Variants in GUCY2C observed in about 807,000 individuals in gnomAD.
GUCY2C encodes guanylate cyclase 2C, also known as guanylyl cyclase C.
GUCY2C carries 118 observed loss-of-function variants against 131.1 expected under a neutral mutation model. The ratio of observed to expected loss-of-function variants is 0.90; its 90% CI spans 0.78 to 1.05. The LOEUF (loss-of-function observed/expected upper bound fraction) is 1.05, where lower values mean the gene tolerates loss of function less well. Among genes scored for constraint, GUCY2C ranks in the 50% least tolerant of loss-of-function variants. The pLI is 0.00. For missense variants in GUCY2C, 1,161 were observed against 1,304.4 expected (o/e 0.89, Z 1.69); for synonymous variants, 452 against 457.8 (o/e 0.99, Z 0.16).
rs140551603 is a variant in GUCY2C, at chr12:14,613,194, G to A, written c.3145C>T (p.Arg1049Trp). The A allele has an allele frequency of 1.2e-4, 200 of 1,613,090 alleles. No homozygotes were observed. Among genetic ancestry groups the A allele is most frequent in the Non-Finnish European group, 1.6e-4 (186 of 1,179,328 alleles). The change falls in exon 27 of 27, where the codon CGG becomes TGG. Residue 1049 changes from arginine (R) to tryptophan (W), a missense_variant. Transcript: ENST00000261170. The surrounding 1 kb of genome is among the most constrained non-coding windows in gnomAD (Gnocchi z 4.9). ...GTGCCTTTTTTATAGCTGGCTACCC[G>A]TCTGGGTTTTTGGCTTCTTATCCCT... Reference protein sequence around the residue: ...AAGIRSQKPRRVASYKKGTLE... With the variant: ...AAGIRSQKPRWVASYKKGTLE...
intron 24 of GUCY2C, among the ~76,000 whole-genome samples, chr12:14,617,556 G>A (rs995235735): frequency 6.6e-6 from 1 of 152,088 alleles, no homozygotes; most frequent in Non-Finnish European, 1.5e-5. Flanking sequence ...GAGTTGAGGG[G>A]TCTTGATTTT....
chr12:14,645,299 G>T lies in GUCY2C; in HGVS notation c.1727C>A (p.Thr576Lys). 1 of 1,584,924 alleles carries T rather than the reference G, an allele frequency of 6.3e-7. No homozygotes were observed. Among genetic ancestry groups the T allele is most frequent in the Non-Finnish European group, 8.7e-7 (1 of 1,154,390 alleles). ...GAATGTGCCATCAGGGTAGGAAATT[G>T]TGTCATTTAAAACTTCCTGAATAGG... is the stretch of plus-strand genomic sequence containing the variant. ...RGSLREVLND[T>K]ISYPDGTFMD... Residue 576 changes from threonine (T) to lysine (K), a missense_variant, in exon 16 of 27, where the codon ACA becomes AAA. Coordinates refer to ENST00000261170, the MANE Select transcript of GUCY2C (RefSeq NM_004963.4).
At chr12:14,683,875 T>G (rs1016085300) in intron 3 of GUCY2C, among the ~76,000 whole-genome samples, 2 of 152,198 alleles carry the variant, frequency 1.3e-5, no homozygotes, top group African/African-American at 4.8e-5. Flanking sequence ...GTTTTGAGAT[T>G]TTTTCATTTA....
chr12:14,664,972 G>A (rs1474421197), intron 10 of GUCY2C, among the ~76,000 whole-genome samples: 1 of 152,088 alleles, frequency 6.6e-6, no homozygotes, highest in African/African-American at 2.4e-5. Flanking sequence ...CCAGCACTTT[G>A]GGAAGCCAAG....
intron 26 of GUCY2C, 98 bp downstream of exon 26, chr12:14,614,769 A>G: frequency 1.4e-6 from 1 of 690,182 alleles, no homozygotes; most frequent in Non-Finnish European, 2.5e-6. Flanking sequence ...TATGCAATAT[A>G]TGCCACTTGT....
Position 14,641,962 on chromosome 12 carries a change from G to A in GUCY2C, c.1931-743C>T, listed in dbSNP as rs1044515808. On this transcript the variant is annotated intron_variant, in intron 17 of 26. Transcript: ENST00000261170. ...AAAAAAAAAAATACAAATTTTATGT[G>A]TACTAAATTTATTTTATTTAAATTA... Among the ~76,000 whole-genome samples the A allele has an allele frequency of 2.0e-5, 3 of 151,780 alleles. No homozygotes were observed. The East Asian group carries it at 5.8e-4, about 29-fold the overall frequency.
intron 7 of GUCY2C, among the ~76,000 whole-genome samples, chr12:14,676,079 C>T (rs116067534): frequency 1.3e-4 from 20 of 152,268 alleles, no homozygotes; most frequent in African/African-American, 4.3e-4. Flanking sequence ...GACTTGCCAT[C>T]CCAAAGTTGT....
Position 14,652,841 on chromosome 12 carries a change from A to G in GUCY2C, c.1533+111T>C, listed in dbSNP as rs1289650870. ...AGCTCTAAGAATAGCCCCTAGGAAC[A>G]GACTGGGGACTCCCACCATTGTGAT... On this transcript the variant is annotated intron_variant, in intron 13 of 26. Transcript: ENST00000261170. The G allele has an allele frequency of 8.8e-6, 7 of 791,466 alleles. No individual in the cohort carries two copies. The East Asian group carries it at 1.5e-4, about 17-fold the overall frequency. The allele number at this position is 791,466 out of a possible 1,614,324, so 49.0% of individuals were successfully genotyped here.
chr12:14,638,475 T>C (rs1947318949), intron 19 of GUCY2C, among the ~76,000 whole-genome samples: 1 of 152,202 alleles, frequency 6.6e-6, no homozygotes, highest in African/African-American at 2.4e-5. Flanking sequence ...TAAATGTCCA[T>C]CAGTGGATGA....
intron 3 of GUCY2C, among the ~76,000 whole-genome samples, chr12:14,685,628 C>A (rs777975569): frequency 6.6e-4 from 101 of 152,100 alleles, no homozygotes; most frequent in Non-Finnish European, 1.1e-3. Context: ...AAAATATATT[C>A]ATTCTAGAAT....
At chr12:14,619,354 G>C (rs777559292) in intron 23 of GUCY2C, 45 bp from the exon 24 acceptor site, 1 of 1,212,566 alleles carries the variant, frequency 8.2e-7, no homozygotes, top group Non-Finnish European at 1.2e-6. Flanking sequence ...AATAGAAATT[G>C]CAGAGTAGAG....
chr12:14,633,041 C>T (rs984760389), intron 19 of GUCY2C, among the ~76,000 whole-genome samples: 4 of 152,136 alleles, frequency 2.6e-5, no homozygotes, highest in African/African-American at 4.8e-5. Context: ...TGCCCAGGAA[C>T]CCGGGAATCC....
intron 17 of GUCY2C, among the ~76,000 whole-genome samples, 161 bp downstream of exon 17, chr12:14,643,413 G>A (rs534579740): frequency 3.3e-5 from 5 of 152,212 alleles, no homozygotes; most frequent in East Asian, 1.9e-4. Flanking sequence ...GGAAATACTC[G>A]TTGACTGACA....
intron 15 of GUCY2C, among the ~76,000 whole-genome samples, chr12:14,646,674 G>C (rs1389664789): frequency 1.3e-5 from 2 of 152,082 alleles, no homozygotes; most frequent in African/African-American, 4.8e-5. Flanking sequence ...TGTAGATATG[G>C]AAAGTATATG....
chr12:14,655,471 A>T (rs1047592971), intron 12 of GUCY2C, among the ~76,000 whole-genome samples: 1 of 152,186 alleles, frequency 6.6e-6, no homozygotes, highest in African/African-American at 2.4e-5. Flanking sequence ...ACATGAGGGG[A>T]TTGGAGCCAT....
intron 3 of GUCY2C, among the ~76,000 whole-genome samples, chr12:14,684,666 TTCTTTCTC>T (rs1258862458): frequency 8.1e-5 from 12 of 147,732 alleles, no homozygotes; most frequent in African/African-American, 3.0e-4. Flanking sequence ...TTCCTTCCTT[TTCTTTCTC>T]TCTTTCTCTC....
intron 15 of GUCY2C, among the ~76,000 whole-genome samples, chr12:14,648,727 T>A (rs141652608): frequency 2.6e-5 from 4 of 152,340 alleles, no homozygotes; most frequent in Non-Finnish European, 5.9e-5. Context: ...CTCTATTTGT[T>A]ATTTATGTTG....
chr12:14,647,816 G>T (rs76312340), intron 15 of GUCY2C, among the ~76,000 whole-genome samples: 2 of 151,500 alleles, frequency 1.3e-5, no homozygotes, highest in African/African-American at 2.4e-5. Flanking sequence ...TAATATATAT[G>T]ATATATACAT....
At chr12:14,659,626 G>T (rs899090905) in intron 11 of GUCY2C, among the ~76,000 whole-genome samples, 1 of 152,178 alleles carries the variant, frequency 6.6e-6, no homozygotes, top group Non-Finnish European at 1.5e-5. Flanking sequence ...CCTAAGACCT[G>T]GAGGCAAGTA....
Sources: allele counts gnomAD v4.1 joint callset (sites outside exome capture counted in the v4.1 genomes callset), GRCh38; gene constraint gnomAD v4.1.1; non-coding constraint Gnocchi (gnomAD v3.1); transcripts MANE v1.5; gene names NCBI Gene and HGNC (gene_info 2026-07-23, HGNC 2026-07-21).